The following SRPK2 variants were observed in gnomAD, a reference collection of about 807,000 sequenced individuals.
The protein encoded by SRPK2 is SRSF protein kinase 2, also known as SFRS protein kinase 2.
In SRPK2, 21 loss-of-function variants were observed where a neutral mutation model predicts 90.8. The observed-to-expected ratio is 0.23, with a 90% CI of 0.16 to 0.33. The LOEUF (loss-of-function observed/expected upper bound fraction) is 0.33. SRPK2 is among the 10% of genes least tolerant of loss of function. The pLI is 1.00. For synonymous variants in SRPK2, 288 were observed against 311.1 expected, an observed-to-expected ratio of 0.93 and a Z score of 0.78; for missense variants, 620 against 869.0, an observed-to-expected ratio of 0.71 and a Z score of 3.60.
chr7:105,195,321 T>C (rs984009534), intron 3 of SRPK2, among the ~76,000 whole-genome samples: 3 of 152,132 alleles, frequency 2.0e-5, no homozygotes, highest in Non-Finnish European at 4.4e-5. Flanking sequence ...AGTGCTGGGA[T>C]TACAGGCGTG....
At chr7:105,297,439 A>G (rs1194964985) in intron 2 of SRPK2, 2 of 984,818 alleles carry the variant, frequency 2.0e-6, no homozygotes, top group African/African-American at 1.7e-5. Flanking sequence ...ACATTTGCAT[A>G]TTTTTCAAAA....
intron 2 of SRPK2, among the ~76,000 whole-genome samples, chr7:105,274,866 CG>C (rs1227520164): frequency 1.3e-5 from 2 of 150,808 alleles, no homozygotes; most frequent in African/African-American, 4.9e-5. Flanking sequence ...CCTTCTTCCT[CG>C]GTAATACTTG....
rs1173741993 is a variant in SRPK2 at position 105,117,160 on chromosome 7, CATCTT to C, written c.*673_*677del. 6.6e-6 allele frequency: 1 copy of C among 152,156 alleles called. No individual in the cohort carries two copies. Among genetic ancestry groups the C allele is most frequent in the African/African-American group, 2.4e-5 (1 of 41,422 alleles). The allele number at this position is 152,156 out of a possible 1,614,324, so 9.4% of individuals were successfully genotyped here. A position where few individuals can be genotyped will look rare whatever the true frequency, so the allele number is the denominator to read the frequency against. ...CTTTAAAGTGCCATATAGAGAATGA[CATCTT>C]ATAACCCAGAGCCACTTTGTTTAAA... On this transcript the variant is annotated 3_prime_UTR_variant, in exon 16 of 16. Transcript: ENST00000393651.
Position 105,306,358 on chromosome 7 carries a change from A to C in SRPK2, c.71+82290T>G, listed in dbSNP as rs1204126732. 1.1e-5 allele frequency: 4 copies of C among 362,770 alleles called. No homozygotes were observed. In the Admixed American group the frequency reaches 1.6e-4, roughly 15 times the overall value. The allele number at this position is 362,770 out of a possible 1,614,324, so 22.5% of individuals were successfully genotyped here. On this transcript the variant is annotated intron_variant, in intron 2 of 15. Transcript: ENST00000393651. ...ATACCATAGTTTCAGAATATTAACA[A>C]AAGTCATAATAACTGTGAATTATTT... is the stretch of plus-strand genomic sequence containing the variant.
intron 8 of SRPK2, 34 bp downstream of exon 8, chr7:105,146,459 C>T: frequency 6.2e-7 from 1 of 1,609,418 alleles, no homozygotes; most frequent in Non-Finnish European, 8.5e-7. Context: ...CCCAATGCCC[C>T]CACACTGAAA....
intron 2 of SRPK2, among the ~76,000 whole-genome samples, chr7:105,329,866 C>T (rs541279350): frequency 4.2e-4 from 63 of 151,108 alleles, no homozygotes; most frequent in Admixed American, 3.6e-3. Context: ...CCCGTCTCTA[C>T]TAAAAAAAAA....
chr7:105,336,521 T>C (rs1258690989), intron 2 of SRPK2, among the ~76,000 whole-genome samples: 1 of 152,228 alleles, frequency 6.6e-6, no homozygotes, highest in Non-Finnish European at 1.5e-5. Context: ...ACCATCTTTT[T>C]ACAGTTGATT....
At chr7:105,334,313 C>A (rs1003385298) in intron 2 of SRPK2, among the ~76,000 whole-genome samples, 34 of 152,112 alleles carry the variant, frequency 2.2e-4, no homozygotes, top group Admixed American at 3.9e-4. Context: ...CTCTTGACCT[C>A]GTGATCCACC....
chr7:105,217,631 T>G (rs905736265), intron 2 of SRPK2, among the ~76,000 whole-genome samples: 2 of 152,246 alleles, frequency 1.3e-5, no homozygotes, highest in Non-Finnish European at 2.9e-5. Flanking sequence ...AATCTTGTGA[T>G]TCTAACCCAC....
intron 2 of SRPK2, among the ~76,000 whole-genome samples, chr7:105,293,160 T>C (rs546387925): frequency 6.6e-6 from 1 of 152,122 alleles, no homozygotes; most frequent in East Asian, 1.9e-4. Context: ...TGGCCGGGCA[T>C]GGTGGTGGAT....
chr7:105,370,647 G>A lies in SRPK2; in HGVS notation c.71+18001C>T, dbSNP rs184770698. Among the ~76,000 whole-genome samples the A allele has an allele frequency of 2.8e-3, 335 of 120,296 alleles. 2 individuals carry two copies. The highest frequency in any genetic ancestry group is 2.3e-3 in the Non-Finnish European group (142 of 61,530). The allele number at this position is 120,296 out of a possible 152,430, so 78.9% of individuals were successfully genotyped here. A position where few individuals can be genotyped will look rare whatever the true frequency, so the allele number is the denominator to read the frequency against. On this transcript the variant is annotated intron_variant, in intron 2 of 15. Coordinates refer to ENST00000393651, the MANE Select transcript of SRPK2 (RefSeq NM_182692.3). ...TTTTTTTTTTTTGAGACAGACTCTC[G>A]CTCTGCACCCCAGGCTGGAGTGCAG...
chr7:105,389,234 C>G (rs1411390740), upstream of SRPK2: 1 of 1,240,308 alleles, frequency 8.1e-7, no homozygotes, highest in Non-Finnish European at 1.0e-6. Flanking sequence ...GCGGCCTCTC[C>G]CCTCCGCACC....
intron 2 of SRPK2, among the ~76,000 whole-genome samples, chr7:105,248,995 C>T (rs1342812247): frequency 1.3e-5 from 2 of 151,930 alleles, no homozygotes; most frequent in Non-Finnish European, 2.9e-5. Context: ...ACAAAACTGT[C>T]AATTCTGTCC....
intron 2 of SRPK2, among the ~76,000 whole-genome samples, chr7:105,289,518 G>A (rs1457616459): frequency 2.0e-5 from 3 of 152,120 alleles, no homozygotes; most frequent in Non-Finnish European, 2.9e-5. Flanking sequence ...GGGAAGCTGC[G>A]GCAGGAGGAT....
intron 2 of SRPK2, among the ~76,000 whole-genome samples, chr7:105,242,434 C>T (rs183681909): frequency 6.3e-4 from 96 of 152,148 alleles, no homozygotes; most frequent in African/African-American, 2.2e-3. Context: ...ATTGCTTGAA[C>T]CTGGGAGGCA....
intron 2 of SRPK2, chr7:105,269,045 T>C: frequency 7.7e-7 from 1 of 1,295,040 alleles, no homozygotes; most frequent in East Asian, 2.8e-5. Context: ...TCCAGAGGCA[T>C]CAGGCCTTGC....
At chr7:105,275,614 T>C (rs78823196) in intron 2 of SRPK2, among the ~76,000 whole-genome samples, 2,963 of 152,300 alleles carry the variant, frequency 0.019, 98 homozygotes, top group African/African-American at 0.066. Context: ...ACTGTAAGTT[T>C]AAGGCTCCCA....
intron 3 of SRPK2, among the ~76,000 whole-genome samples, chr7:105,176,727 A>ATGTATGTGTGTATATGTGTGTGTGTG: frequency 1.8e-5 from 1 of 56,172 alleles, no homozygotes; most frequent in Non-Finnish European, 4.1e-5. Context: ...GTGTGTGTGT[A>ATGTATGTGTGTATATGTGTGTGTGTG]TGTATGTATG....
chr7:105,276,193 A>T (rs1176136990), intron 2 of SRPK2, among the ~76,000 whole-genome samples: 1 of 151,294 alleles, frequency 6.6e-6, no homozygotes, highest in Admixed American at 6.6e-5. Flanking sequence ...GCAATCCTCT[A>T]CCTCAGCCTC....
Sources: allele counts gnomAD v4.1 joint callset (sites outside exome capture counted in the v4.1 genomes callset), GRCh38; gene constraint gnomAD v4.1.1; transcripts MANE v1.5; gene names NCBI Gene and HGNC (gene_info 2026-07-23, HGNC 2026-07-21).